Variants in PIGN observed in about 807,000 individuals in gnomAD.
The protein encoded by PIGN is GPI ethanolamine phosphate transferase 1.
PIGN carries 117 observed loss-of-function variants against 125.4 expected under a neutral mutation model. The observed-to-expected ratio is 0.93, with a 90% confidence interval of 0.80 to 1.09. PIGN has a LOEUF of 1.09. PIGN is among the 50% of genes least tolerant of loss of function. The pLI is 0.00. For missense variants in PIGN, 1,075 were observed against 1,094.9 expected, an observed-to-expected ratio of 0.98 and a Z score of 0.26; for synonymous variants, 392 against 377.8, an observed-to-expected ratio of 1.04 and a Z score of -0.44.
intron 4 of PIGN, among the ~76,000 whole-genome samples, chr18:62,158,455 G>A (rs774013812): frequency 4.6e-5 from 7 of 152,174 alleles, no homozygotes; most frequent in South Asian, 2.1e-4. Flanking sequence ...CTAATTAGGA[G>A]TTAAATTATA....
chr18:62,106,272 A>C (rs761611424), intron 19 of PIGN, among the ~76,000 whole-genome samples: 4 of 152,212 alleles, frequency 2.6e-5, no homozygotes, highest in Non-Finnish European at 5.9e-5. Flanking sequence ...AAGTGGAAAT[A>C]TAAGTGCATT....
intron 14 of PIGN, chr18:62,136,203 T>C (rs1358190109): frequency 6.6e-6 from 1 of 152,076 alleles, no homozygotes. Context: ...AATATCCTAA[T>C]GATATATTTA....
At chr18:62,178,656 G>A (rs966338591) in intron 1 of PIGN, among the ~76,000 whole-genome samples, 10 of 151,392 alleles carry the variant, frequency 6.6e-5, no homozygotes, top group Non-Finnish European at 1.5e-4. Flanking sequence ...CTTGGAGCCT[G>A]CACACAAGAT....
At chr18:62,067,433 T>C (rs1349400922) in intron 30 of PIGN, among the ~76,000 whole-genome samples, 1 of 152,224 alleles carries the variant, frequency 6.6e-6, no homozygotes, top group African/African-American at 2.4e-5. Flanking sequence ...CTTCAATATA[T>C]AGAACATTTC....
At chr18:62,026,313 C>T (rs2030117556) in intron 23 of PIGN, among the ~76,000 whole-genome samples, 1 of 151,830 alleles carries the variant, frequency 6.6e-6, no homozygotes, top group Non-Finnish European at 1.5e-5. Context: ...AACAGATAAT[C>T]TGAAAGTTGG....
chr18:62,082,728 G>T lies in PIGN; in HGVS notation c.2521C>A (p.Leu841Ile). The T allele has an allele frequency of 6.5e-7, 1 of 1,541,916 alleles. No individual in the cohort carries two copies. The highest frequency in any genetic ancestry group is 1.2e-5 in the South Asian group (1 of 83,496). The change falls in exon 28 of 31, where the codon CTT becomes ATT. Residue 841 changes from leucine (L) to isoleucine (I), a missense_variant. Leu to Ile is a conservative substitution (Grantham distance 5, BLOSUM62 2). Around this residue, in one of 3 missense-constraint regions of PIGN, gnomAD observed 915 missense variants for 908.7 expected, o/e 1.01. Transcript: ENST00000640252. ...MMWKILIPFV[L>I]VMCAFEAVQL... ...ACTGCTTCAAAAGCACACATAACAA[G>T]AACAAAGGGGATTAAAATCTGTAAA...
intron 1 of PIGN, among the ~76,000 whole-genome samples, chr18:62,171,968 G>A (rs1459940461): frequency 2.6e-5 from 4 of 152,092 alleles, no homozygotes; most frequent in Non-Finnish European, 4.4e-5. Context: ...CAGACAATGA[G>A]TTGGGAAATG....
At chr18:62,066,586 A>C (rs899280479) in intron 30 of PIGN, among the ~76,000 whole-genome samples, 17 of 152,284 alleles carry the variant, frequency 1.1e-4, no homozygotes, top group African/African-American at 4.1e-4. Flanking sequence ...CCTTTTATCT[A>C]ATAGAGAGGA....
In PIGN at chr18:62,168,277, C is replaced by T. The variant is rs535896633; in HGVS notation, c.-235-4621G>A. On this transcript the variant is annotated intron_variant, in intron 1 of 30. Coordinates refer to ENST00000640252, the MANE Select transcript of PIGN (RefSeq NM_176787.5). ...CCAACTATGGAATCATTGTAAGTAA[C>T]CATGCTTTCTTTATTACACATTTTT... Among the ~76,000 whole-genome samples, 4 of 152,196 alleles carry T rather than the reference C, an allele frequency of 2.6e-5. No homozygotes were observed. In the South Asian group the frequency reaches 8.3e-4, roughly 32 times the overall value.
chr18:62,111,163 TG>T, intron 16 of PIGN, among the ~76,000 whole-genome samples: 1 of 152,174 alleles, frequency 6.6e-6, no homozygotes. Flanking sequence ...TGTGTCCTTG[TG>T]GAAAACAGGT....
chr18:62,113,054 C>T, intron 16 of PIGN, 80 bp downstream of exon 16: 4 of 1,023,192 alleles, frequency 3.9e-6, no homozygotes, highest in Non-Finnish European at 5.7e-6. Context: ...ATGACTTGCA[C>T]ATCCTATAAA....
At chr18:62,046,179 T>G (rs959044491) in intron 30 of PIGN, among the ~76,000 whole-genome samples, 200 bp from the exon 31 acceptor site, 1 of 152,166 alleles carries the variant, frequency 6.6e-6, no homozygotes, top group Admixed American at 6.5e-5. Flanking sequence ...CAGCTGTCCA[T>G]GGACTGGTTC....
intron 27 of PIGN, among the ~76,000 whole-genome samples, chr18:62,083,870 T>C (rs1286319266): frequency 6.6e-6 from 1 of 152,170 alleles, no homozygotes; most frequent in Non-Finnish European, 1.5e-5. Context: ...CCTTTAACCA[T>C]TTTTATTCAT....
chr18:62,082,823 T>C, intron 27 of PIGN, 77 bp from the exon 28 acceptor site: 1 of 766,598 alleles, frequency 1.3e-6, no homozygotes, highest in Non-Finnish European at 2.2e-6. Context: ...CTATTTCTGC[T>C]TACAGAAATA....
intron 15 of PIGN, 125 bp downstream of exon 15, chr18:62,114,436 G>A: frequency 1.6e-6 from 1 of 636,398 alleles, no homozygotes; most frequent in Non-Finnish European, 2.8e-6. Flanking sequence ...CAGCTACTCA[G>A]GAAATGCAAT....
At chr18:62,106,502 A>G (rs2034645729) in intron 19 of PIGN, among the ~76,000 whole-genome samples, 1 of 152,150 alleles carries the variant, frequency 6.6e-6, no homozygotes, top group South Asian at 2.1e-4. Flanking sequence ...GTCCATTATC[A>G]AGATATTTGA....
chr18:62,090,010 C>T (rs1008175891), intron 24 of PIGN, among the ~76,000 whole-genome samples: 1 of 152,016 alleles, frequency 6.6e-6, no homozygotes, highest in Non-Finnish European at 1.5e-5. Context: ...ATCATTAAGG[C>T]AGCAGAATAA....
At position 62,138,313 on chromosome 18, in the gene PIGN, T is replaced by C. The variant is rs945219538; in HGVS notation, c.1117-15A>G. Reference sequence around the variant, plus strand: ...GTCATTTTCACCTGGGAACCAAGTATGAAAATATTACAAATGAGAAAAATA... The same window carrying C: ...GTCATTTTCACCTGGGAACCAAGTACGAAAATATTACAAATGAGAAAAATA... On this transcript the variant is annotated splice_polypyrimidine_tract_variant and intron_variant, in intron 13 of 30. Transcript: ENST00000640252. 1 of 1,529,580 alleles carries C rather than the reference T, an allele frequency of 6.5e-7. No individual in the cohort carries two copies. Among genetic ancestry groups the C allele is most frequent in the Non-Finnish European group, 8.8e-7 (1 of 1,137,166 alleles). 94.8% of individuals were successfully genotyped at this position (1,529,580 alleles called of 1,614,324 possible).
At chr18:62,089,892 A>G (rs1364807402) in intron 24 of PIGN, among the ~76,000 whole-genome samples, 1 of 152,100 alleles carries the variant, frequency 6.6e-6, no homozygotes, top group Non-Finnish European at 1.5e-5. Context: ...CATCAATTTA[A>G]CTCTGTAGCC....
Sources: allele counts gnomAD v4.1 joint callset (sites outside exome capture counted in the v4.1 genomes callset), GRCh38; gene constraint gnomAD v4.1.1; regional missense constraint gnomAD v4.1.1; transcripts MANE v1.5; gene names NCBI Gene and HGNC (gene_info 2026-07-23, HGNC 2026-07-21).